The following CHRNA6 variants were observed in gnomAD, a reference collection of about 807,000 sequenced individuals.
The protein encoded by CHRNA6 is neuronal acetylcholine receptor subunit alpha-6.
A neutral mutation model predicts 40.9 loss-of-function variants in CHRNA6; 31 were observed. The observed-to-expected ratio is 0.76, with a 90% confidence interval of 0.57 to 1.02. The LOEUF (loss-of-function observed/expected upper bound fraction) is 1.02, where lower values mean the gene tolerates loss of function less well. Among genes scored for constraint, CHRNA6 ranks in the 50% least tolerant of loss-of-function variants. The probability of loss-of-function intolerance (pLI) is 0.00; values close to 1 mark genes in which losing one functional copy is unlikely to be tolerated. For synonymous variants in CHRNA6, 222 were observed against 221.3 expected (o/e 1.00, Z -0.03); for missense variants, 546 against 596.6 (o/e 0.92, Z 0.88).
intron 2 of CHRNA6, among the ~76,000 whole-genome samples, chr8:42,762,793 T>A (rs758581533): frequency 5.3e-5 from 8 of 152,136 alleles, no homozygotes; most frequent in Non-Finnish European, 1.0e-4. Context: ...GTCCCACAAG[T>A]TTACCTGCTC....
chr8:42,768,165 G>C (rs1301807006), intron 1 of CHRNA6, among the ~76,000 whole-genome samples, 187 bp downstream of exon 1: 2 of 152,190 alleles, frequency 1.3e-5, no homozygotes, highest in East Asian at 3.9e-4. Context: ...CTACCCCTCA[G>C]ATTTCATCTT....
chr8:42,766,594 T>C (rs889336136), intron 1 of CHRNA6, among the ~76,000 whole-genome samples: 2 of 152,150 alleles, frequency 1.3e-5, no homozygotes, highest in Non-Finnish European at 2.9e-5. Context: ...TGCAGGGACA[T>C]GGATGGTGCT....
Position 42,755,913 on chromosome 8 carries a change from A to G in CHRNA6, c.1286T>C (p.Val429Ala), listed in dbSNP as rs200703945. 5.0e-6 allele frequency: 8 copies of G among 1,614,062 alleles called. No individual in the cohort carries two copies. The Admixed American group carries it at 1.3e-4, about 27-fold the overall frequency. Residue 429 changes from valine to alanine, a missense_variant, in exon 5 of 6, where the codon GTT becomes GCT. Coordinates refer to ENST00000276410, the MANE Select transcript of CHRNA6 (RefSeq NM_004198.3). ...CTGAACACTGTTAATCACATCTTCA[A>G]CTTCAGGCGAGTGCTCCGAATTTTC... ...VVENSEHSPE[V>A]EDVINSVQFI...
Position 42,756,105 on chromosome 8 carries a change from G to T in CHRNA6, c.1094C>A (p.Thr365Lys). The T allele has an allele frequency of 6.2e-7, 1 of 1,614,270 alleles. No individual in the cohort carries two copies. The highest frequency in any genetic ancestry group is 8.5e-7 in the Non-Finnish European group (1 of 1,180,042). Residue 365 changes from threonine to lysine, a missense_variant, in exon 5 of 6, where the codon ACA (threonine) becomes AAA (lysine). Thr to Lys is a moderately conservative substitution (Grantham distance 78, BLOSUM62 -1). Coordinates refer to ENST00000276410, the MANE Select transcript of CHRNA6 (RefSeq NM_004198.3). ...MRWPLDKTRG[T>K]GSDAVPRGLA... is the part of the protein sequence containing the mutation. ...GCCTCTGGGCACTGCATCAGAGCCT[G>T]TGCCCCTTGTCTTGTCCAGAGGCCA...
At chr8:42,759,623 C>T (rs978875341) in intron 2 of CHRNA6, among the ~76,000 whole-genome samples, 4 of 151,996 alleles carry the variant, frequency 2.6e-5, no homozygotes, top group African/African-American at 9.7e-5. Flanking sequence ...GCCAGCTGGG[C>T]GCGGTGGCTC....
In CHRNA6 at chr8:42,753,140, T is replaced by C. The variant is rs199911712; in HGVS notation, c.*39A>G. Reference sequence around the variant, plus strand: ...TGTGGCAGGGAATGCAGAACAAATATGGTGTCTGTAAATTTCTGAACATAA... The same window carrying C: ...TGTGGCAGGGAATGCAGAACAAATACGGTGTCTGTAAATTTCTGAACATAA... On this transcript the variant is annotated 3_prime_UTR_variant, in exon 6 of 6. Transcript: ENST00000276410. The C allele has an allele frequency of 6.4e-7, 1 of 1,569,074 alleles. No homozygotes were observed. Among genetic ancestry groups the C allele is most frequent in the Non-Finnish European group, 8.6e-7 (1 of 1,159,744 alleles).
Position 42,756,220 on chromosome 8 carries a change from T to A in CHRNA6, c.979A>T (p.Ile327Leu), listed in dbSNP as rs376849555. The A allele has an allele frequency of 3.7e-6, 6 of 1,614,102 alleles. No individual in the cohort carries two copies. In the Admixed American group the frequency reaches 1.0e-4, roughly 27 times the overall value. The part of the protein sequence containing the change: ...SIVVTVFVLN[I>L]HYRTPTTHTM... ...TGCGTGGTTGGGGTGCGGTAGTGTA[T>A]GTTCAACACAAACACAGTCACCACG... The change falls in exon 5 of 6, where the codon ATA becomes TTA. Residue 327 changes from isoleucine (I) to leucine (L), a missense_variant. By Grantham distance (5) the Ile-to-Leu change is conservative. This residue lies in a region of CHRNA6 where 476 missense variants were observed against 494.5 expected (regional missense o/e 0.96). Coordinates refer to ENST00000276410, the MANE Select transcript of CHRNA6 (RefSeq NM_004198.3).
chr8:42,758,313 T>TA (rs969131504), intron 3 of CHRNA6, among the ~76,000 whole-genome samples: 22 of 150,952 alleles, frequency 1.5e-4, no homozygotes, highest in African/African-American at 2.7e-4. Context: ...AGCTTTGAAT[T>TA]AAAAAAAAAT....
intron 5 of CHRNA6, among the ~76,000 whole-genome samples, chr8:42,754,432 C>T (rs753922185): frequency 9.9e-5 from 15 of 152,108 alleles, no homozygotes; most frequent in Admixed American, 2.0e-4. Context: ...TCTTGGCCTC[C>T]GAAAGTGCTG....
At chr8:42,764,006 C>T (rs1159086340) in intron 2 of CHRNA6, among the ~76,000 whole-genome samples, 1 of 152,158 alleles carries the variant, frequency 6.6e-6, no homozygotes, top group South Asian at 2.1e-4. Flanking sequence ...GAGCAGGGCT[C>T]CCCCTCTGTG....
At chr8:42,764,163 C>G (rs1816940540) in intron 2 of CHRNA6, among the ~76,000 whole-genome samples, 2 of 152,154 alleles carry the variant, frequency 1.3e-5, no homozygotes. Context: ...TCGCCACTTC[C>G]TCTCCCTGCA....
chr8:42,756,846 A>G (rs1025898107), intron 4 of CHRNA6, 22 bp from the exon 5 acceptor site: 9 of 1,608,240 alleles, frequency 5.6e-6, no homozygotes, highest in Non-Finnish European at 7.6e-6. Flanking sequence ...GTCAGACACC[A>G]TTAGTAACAC....
rs544312612 is a variant in CHRNA6, at chr8:42,756,334, T to A, written c.865A>T (p.Ile289Phe). 1 of 1,614,118 alleles carries A rather than the reference T, an allele frequency of 6.2e-7. No homozygotes were observed. The highest frequency in any genetic ancestry group is 8.5e-7 in the Non-Finnish European group (1 of 1,180,050). Reference sequence around the variant, plus strand: ...GATGTGGATGGGATGGTTTCTGTGATGACCAGCAAAAACACAGTCAGAGAA... The same window carrying A: ...GATGTGGATGGGATGGTTTCTGTGAAGACCAGCAAAAACACAGTCAGAGAA... ...LLSLTVFLLVITETIPSTSLV... is the reference protein window; with the variant it reads ...LLSLTVFLLVFTETIPSTSLV... Residue 289 changes from isoleucine (I) to phenylalanine (F), a missense_variant, in exon 5 of 6, where the codon ATC becomes TTC. Physicochemically the swap from Ile to Phe is conservative, Grantham distance 21. Transcript: ENST00000276410.
chr8:42,757,682 G>A (rs1479991939), intron 3 of CHRNA6, among the ~76,000 whole-genome samples: 7 of 146,504 alleles, frequency 4.8e-5, no homozygotes, highest in African/African-American at 1.0e-4. Flanking sequence ...GCAGTGAGCC[G>A]AGATCGTGCC....
chr8:42,765,281 C>T (rs1014731424), intron 1 of CHRNA6, 77 bp from the exon 2 acceptor site: 29 of 1,530,932 alleles, frequency 1.9e-5, no homozygotes, highest in African/African-American at 1.1e-4. Context: ...CAATTCTTCC[C>T]GGGCCCTGTG....
rs1267341176 is a variant in CHRNA6, at chr8:42,757,057, GC to G, written c.265-21del. 1.3e-6 allele frequency: 2 copies of G among 1,570,724 alleles called. No homozygotes were observed. The highest frequency in any genetic ancestry group is 1.7e-5 in the Admixed American group (1 of 59,680). On this transcript the variant is annotated intron_variant, in intron 3 of 5. Transcript: ENST00000276410. ...CCAGATCTAAAATAAATAGAAATCA[GC>G]TTTTAAAATTTCTTAATAACTTTCG...
In CHRNA6 at chr8:42,755,867, C is replaced by T. The variant is rs1259658444; in HGVS notation, c.1332G>A (p.Lys444=). Residue 444 remains lysine (K), a synonymous_variant, in exon 5 of 6, where the codon AAG becomes AAA. Transcript: ENST00000276410. ...NSVQFIAENM[K]SHNETKEVED... ...TTACCTCCTTGGTTTCATTGTGGCTCTTCATGTTTTCTGCTATGAACTGAA... is the reference window on the plus strand; with the variant it reads ...TTACCTCCTTGGTTTCATTGTGGCTTTTCATGTTTTCTGCTATGAACTGAA... 2.5e-6 allele frequency: 4 copies of T among 1,613,936 alleles called. No individual in the cohort carries two copies. Among genetic ancestry groups the T allele is most frequent in the Non-Finnish European group, 3.4e-6 (4 of 1,179,920 alleles).
intron 1 of CHRNA6, among the ~76,000 whole-genome samples, chr8:42,765,439 T>C (rs1381015508): frequency 6.6e-6 from 1 of 152,224 alleles, no homozygotes; most frequent in East Asian, 1.9e-4. Context: ...ATTTCAGGAC[T>C]AGAGCAGTAT....
chr8:42,768,607 G>T lies in CHRNA6; in HGVS notation c.-177C>A. On this transcript the variant is annotated 5_prime_UTR_variant, in exon 1 of 6. Coordinates refer to ENST00000276410, the MANE Select transcript of CHRNA6 (RefSeq NM_004198.3). Reference sequence around the variant, plus strand: ...TCACACGGTTATTACCAGGATCAGAGACTGAGGCAGACATGAAGGGCGAAT... The same window carrying T: ...TCACACGGTTATTACCAGGATCAGATACTGAGGCAGACATGAAGGGCGAAT... 1.9e-6 allele frequency: 1 copy of T among 524,396 alleles called. No homozygotes were observed. 32.5% of individuals were successfully genotyped at this position (524,396 alleles called of 1,614,324 possible). A position where few individuals can be genotyped will look rare whatever the true frequency, so the allele number is the denominator to read the frequency against.
Sources: gnomAD v4.1 joint callset for allele counts (sites outside exome capture counted in the v4.1 genomes callset) on GRCh38, gnomAD v4.1.1 for gene constraint, gnomAD v4.1.1 regional missense constraint, MANE v1.5 for transcripts, NCBI Gene and HGNC (gene_info 2026-07-23, HGNC 2026-07-21) for gene names.